GALNT1: variants seen among roughly 807,000 people sequenced by gnomAD.
The protein encoded by GALNT1 is GalNAc transferase 1.
A neutral mutation model predicts 65.7 loss-of-function variants in GALNT1; 17 were observed. The observed-to-expected ratio is 0.26, with a 90% CI of 0.18 to 0.39. The LOEUF is 0.39. Ranked by LOEUF, GALNT1 falls within the 10% of genes least tolerant of loss-of-function variation. The pLI, the probability that GALNT1 is intolerant of heterozygous loss-of-function variation, is 1.00. For missense variants in GALNT1, 460 were observed against 672.8 expected, an observed-to-expected ratio of 0.68 and a Z score of 3.50; for synonymous variants, 210 against 219.7, an observed-to-expected ratio of 0.96 and a Z score of 0.39.
intron 1 of GALNT1, among the ~76,000 whole-genome samples, chr18:35,582,236 G>T (rs1277451887): frequency 6.6e-6 from 1 of 152,174 alleles, no homozygotes; most frequent in Non-Finnish European, 1.5e-5. Flanking sequence ...CGCCACGGGG[G>T]AGGGGAAGAC....
intron 1 of GALNT1, among the ~76,000 whole-genome samples, chr18:35,601,285 A>G (rs2046578797): frequency 6.6e-6 from 1 of 151,832 alleles, no homozygotes; most frequent in Non-Finnish European, 1.5e-5. Context: ...ATCATTTGTT[A>G]ATGTCTTGTT....
chr18:35,621,581 G>A (rs531852625), intron 1 of GALNT1, among the ~76,000 whole-genome samples: 10 of 152,008 alleles, frequency 6.6e-5, no homozygotes, highest in Admixed American at 3.3e-4. Flanking sequence ...ATTTCTTCCC[G>A]GACTTTCGCA....
At chr18:35,666,213 A>G (rs955559594) in intron 3 of GALNT1, among the ~76,000 whole-genome samples, 2 of 152,246 alleles carry the variant, frequency 1.3e-5, no homozygotes, top group African/African-American at 4.8e-5. Flanking sequence ...TTGTTCAGAG[A>G]AAACAAAAGT....
intron 1 of GALNT1, among the ~76,000 whole-genome samples, chr18:35,607,938 A>T (rs2046672115): frequency 6.6e-6 from 1 of 152,062 alleles, no homozygotes; most frequent in African/African-American, 2.4e-5. Context: ...ATATTGGGGG[A>T]TGTCTTGCAG....
At chr18:35,629,129 T>C (rs560392391) in intron 1 of GALNT1, among the ~76,000 whole-genome samples, 53 of 152,298 alleles carry the variant, frequency 3.5e-4, no homozygotes, top group Non-Finnish European at 6.6e-4. Context: ...TGGAACCAAG[T>C]TGGAAAACAC....
In GALNT1 at chr18:35,686,901, A is replaced by G. The variant is rs962285606; in HGVS notation, c.690-115A>G. On this transcript the variant is annotated intron_variant, in intron 5 of 11. Transcript: ENST00000269195. Reference sequence around the variant, plus strand: ...GCCTGGGTGGTGACAGAGTAGTGATACCCTGTTTCAAGGGAAAAAATAAAA... The same window carrying G: ...GCCTGGGTGGTGACAGAGTAGTGATGCCCTGTTTCAAGGGAAAAAATAAAA... 1.8e-5 allele frequency: 18 copies of G among 985,596 alleles called. No individual in the cohort carries two copies. In the African/African-American group the frequency reaches 2.3e-4, roughly 13 times the overall value. The allele number at this position is 985,596 out of a possible 1,614,324, so 61.1% of individuals were successfully genotyped here. A position where few individuals can be genotyped will look rare whatever the true frequency, so the allele number is the denominator to read the frequency against.
intron 1 of GALNT1, among the ~76,000 whole-genome samples, chr18:35,621,171 GTTTGT>G (rs2046846236): frequency 6.7e-6 from 1 of 149,786 alleles, no homozygotes; most frequent in African/African-American, 2.5e-5. Flanking sequence ...TGTTTTTGTT[GTTTGT>G]TTTATTTATT....
chr18:35,644,650 A>G (rs942880765), intron 1 of GALNT1, among the ~76,000 whole-genome samples: 10 of 152,102 alleles, frequency 6.6e-5, no homozygotes, highest in African/African-American at 1.9e-4. Flanking sequence ...TCACACTTGT[A>G]TGGATTTGTT....
rs138484972 is a variant in GALNT1 at position 35,612,272 on chromosome 18, G to A, written c.-104+30410G>A. ...CCTGTTTTAATGAGTTAAAAATAGG[G>A]TACATCTCCATGAAAGATAGAAGGA... is the stretch of plus-strand genomic sequence containing the variant. On this transcript the variant is annotated intron_variant, in intron 1 of 11. Coordinates refer to ENST00000269195, the MANE Select transcript of GALNT1 (RefSeq NM_020474.4). Among the ~76,000 whole-genome samples, 451 of 152,164 alleles carry A rather than the reference G, an allele frequency of 3.0e-3. 4 individuals are homozygous for A. Among genetic ancestry groups the A allele is most frequent in the Non-Finnish European group, 1.7e-3 (113 of 67,982 alleles).
At chr18:35,605,481 A>T (rs1598782238) in intron 1 of GALNT1, among the ~76,000 whole-genome samples, 1 of 143,822 alleles carries the variant, frequency 7.0e-6, no homozygotes, top group Admixed American at 7.1e-5. Context: ...CTGGGCCCAG[A>T]CTCTGTCTCA....
At chr18:35,705,567 G>C (rs1020538621) in intron 11 of GALNT1, among the ~76,000 whole-genome samples, 1 of 152,164 alleles carries the variant, frequency 6.6e-6, no homozygotes, top group Non-Finnish European at 1.5e-5. Flanking sequence ...TGCCATTTTG[G>C]GTGTGACTGC....
chr18:35,586,924 T>C lies in GALNT1; in HGVS notation c.-104+5062T>C, dbSNP rs140049800. Among the ~76,000 whole-genome samples, 232 of 152,330 alleles carry C rather than the reference T, an allele frequency of 1.5e-3. 3 individuals are homozygous for C. The highest frequency in any genetic ancestry group is 1.6e-3 in the Non-Finnish European group (111 of 68,028). ...TAGACCTGTATCAGTATGGAGAAGATCGACGTCTTTAGTATGTATGTTGCA... is the reference window on the plus strand; with the variant it reads ...TAGACCTGTATCAGTATGGAGAAGACCGACGTCTTTAGTATGTATGTTGCA... On this transcript the variant is annotated intron_variant, in intron 1 of 11. Transcript: ENST00000269195.
intron 1 of GALNT1, chr18:35,591,761 CAA>C (rs2046447617): frequency 6.5e-6 from 1 of 154,282 alleles, no homozygotes; most frequent in African/African-American, 2.4e-5. Flanking sequence ...ATTGCTATTT[CAA>C]AAGACTAGAG....
chr18:35,591,731 A>C (rs1259473622), intron 1 of GALNT1: 1 of 154,400 alleles, frequency 6.5e-6, no homozygotes, highest in Non-Finnish European at 1.5e-5. Flanking sequence ...ATTAAGCTTT[A>C]ACATACATGT....
chr18:35,633,402 G>T (rs766532171), intron 1 of GALNT1, among the ~76,000 whole-genome samples: 1 of 152,114 alleles, frequency 6.6e-6, no homozygotes, highest in Admixed American at 6.5e-5. Flanking sequence ...TAGGGACATG[G>T]ATGAAGCTGG....
intron 1 of GALNT1, among the ~76,000 whole-genome samples, chr18:35,645,218 G>GTTTTTT (rs1166987925): frequency 9.2e-5 from 5 of 54,366 alleles, no homozygotes; most frequent in African/African-American, 1.4e-4. Context: ...TATTTTGAAT[G>GTTTTTT]TTTTTTTTTT....
At chr18:35,655,781 A>G (rs1378915790) in intron 2 of GALNT1, among the ~76,000 whole-genome samples, 1 of 152,170 alleles carries the variant, frequency 6.6e-6, no homozygotes, top group Non-Finnish European at 1.5e-5. Flanking sequence ...TGTTAACTGT[A>G]CCAACTTAAC....
intron 1 of GALNT1, among the ~76,000 whole-genome samples, chr18:35,651,586 C>T (rs2047311669): frequency 6.6e-6 from 1 of 152,184 alleles, no homozygotes; most frequent in Admixed American, 6.5e-5. Context: ...AGCTCTGACT[C>T]TTTTCCCCAC....
intron 2 of GALNT1, among the ~76,000 whole-genome samples, chr18:35,663,187 C>T (rs368183011): frequency 2.0e-5 from 3 of 152,146 alleles, no homozygotes; most frequent in East Asian, 3.9e-4. Context: ...ATGTGAGGCA[C>T]GTTGGAAGGA....
Sources: gnomAD v4.1 joint callset for allele counts (sites outside exome capture counted in the v4.1 genomes callset) on GRCh38, gnomAD v4.1.1 for gene constraint, MANE v1.5 for transcripts, NCBI Gene and HGNC (gene_info 2026-07-23, HGNC 2026-07-21) for gene names.